The following MADD variants were observed in gnomAD, a reference collection of about 807,000 sequenced individuals.
The protein encoded by MADD is MAP kinase activating death domain.
Under a neutral mutation model 176.7 loss-of-function variants are expected in MADD, and 109 were observed. The ratio of observed to expected loss-of-function variants is 0.62; its 90% CI spans 0.53 to 0.72. MADD has a LOEUF of 0.72. Ranked by LOEUF, MADD falls within the 30% of genes least tolerant of loss-of-function variation. The probability of loss-of-function intolerance (pLI) is 0.00; values close to 1 mark genes in which losing one functional copy is unlikely to be tolerated. For synonymous variants in MADD, 771 were observed against 771.3 expected, an observed-to-expected ratio of 1.00 and a Z score of 0.01; for missense variants, 1,914 against 2,045.5, an observed-to-expected ratio of 0.94 and a Z score of 1.24.
chr11:47,292,617 C>G, intron 19 of MADD, 21 bp downstream of exon 21: 1 of 1,613,686 alleles, frequency 6.2e-7, no homozygotes, highest in Non-Finnish European at 8.5e-7. Flanking sequence ...AATGCCCTTT[C>G]CTGTTCCCAA....
chr11:47,295,504 T>C, exon 21 of MADD: 1 of 1,613,818 alleles, frequency 6.2e-7, no homozygotes, highest in Non-Finnish European at 8.5e-7. Context: ...AGAGGACTGA[T>C]CAAGACTCTG....
At chr11:47,315,224 G>A (rs779010496) in exon 27 of MADD, 2 of 1,609,336 alleles carry the variant, frequency 1.2e-6, no homozygotes, top group Non-Finnish European at 8.5e-7. Flanking sequence ...CATCAGAATG[G>A]ACGCGATCTC....
intron 29 of MADD, 53 bp from the exon 33 acceptor site, chr11:47,324,418 G>A: frequency 6.3e-7 from 1 of 1,595,218 alleles, no homozygotes; most frequent in Admixed American, 1.7e-5. Flanking sequence ...GGGAAGTCAG[G>A]GGTGGGATTC....
At chr11:47,291,030 G>A (rs889645695) in intron 19 of MADD, among the ~76,000 whole-genome samples, 3 of 151,972 alleles carry the variant, frequency 2.0e-5, no homozygotes, top group Non-Finnish European at 4.4e-5. Context: ...CTTAGATGAA[G>A]AATGGTAAGT....
intron 30 of MADD, chr11:47,324,999 G>A: frequency 1.8e-6 from 1 of 551,030 alleles, no homozygotes; most frequent in Non-Finnish European, 3.2e-6. Flanking sequence ...CGTGCAGCTT[G>A]CGTGTGCGTG....
chr11:47,287,252 G>GCGGA (rs1430973900), intron 15 of MADD, among the ~76,000 whole-genome samples: 1 of 152,172 alleles, frequency 6.6e-6, no homozygotes, highest in African/African-American at 2.4e-5. Flanking sequence ...AATCCAGGAG[G>GCGGA]CGGAGGTTGC....
chr11:47,309,559 C>A (rs751185365), exon 25 of MADD: 1 of 1,614,028 alleles, frequency 6.2e-7, no homozygotes, highest in East Asian at 2.2e-5. Context: ...TGATGAAGAT[C>A]GCTTGTTGGC....
At chr11:47,292,566 G>T in intron 19 of MADD, 1 of 1,614,018 alleles carries the variant, frequency 6.2e-7, no homozygotes, top group Non-Finnish European at 8.5e-7. Context: ...GCACCAGGAA[G>T]TGAAAAAGCA....
chr11:47,282,990 A>G (rs1262207886), intron 10 of MADD, 21 bp downstream of exon 10: 2 of 1,607,728 alleles, frequency 1.2e-6, no homozygotes, highest in African/African-American at 1.3e-5. Flanking sequence ...TTAGGGCAGC[A>G]AAAAGGTTTT....
Position 47,289,852 on chromosome 11 carries a change from G to T in MADD, c.2757-15G>T. 3 of 1,612,736 alleles carry T rather than the reference G, an allele frequency of 1.9e-6. No homozygotes were observed. Among genetic ancestry groups the T allele is most frequent in the Non-Finnish European group, 2.5e-6 (3 of 1,179,810 alleles). ...AGGAGCTGATGACCACAGAAGCGGT[G>T]TGTGGACCCTGTAGTGAGAACCAGC... is the stretch of plus-strand genomic sequence containing the variant. On this transcript the variant is annotated splice_polypyrimidine_tract_variant and intron_variant, in intron 16 of 32. Coordinates refer to ENST00000402192, the Ensembl canonical transcript of MADD.
chr11:47,269,691 G>C (rs1288700216), upstream of MADD: 1 of 151,710 alleles, frequency 6.6e-6, no homozygotes, highest in African/African-American at 2.4e-5. Context: ...CCCAGGATTG[G>C]TAGGCTCCAC....
chr11:47,271,558 C>G (rs892963884), intron 1 of MADD, among the ~76,000 whole-genome samples: 2 of 152,080 alleles, frequency 1.3e-5, no homozygotes, highest in African/African-American at 4.8e-5. Context: ...AGGCCTGATG[C>G]GTACTCAGTA....
exon 22 of MADD, chr11:47,295,934 G>A: frequency 6.2e-7 from 1 of 1,614,124 alleles, no homozygotes; most frequent in Non-Finnish European, 8.5e-7. Context: ...GGAGCTGACA[G>A]TGACTTGAGC....
At chr11:47,293,835 T>G in intron 19 of MADD, 48 bp from the exon 22 acceptor site, 1 of 1,249,354 alleles carries the variant, frequency 8.0e-7, no homozygotes, top group South Asian at 1.2e-5. Context: ...TTTACCAGCC[T>G]GCCCCTAGCC....
chr11:47,280,395 CTAATA>C (rs1360312717), intron 7 of MADD, among the ~76,000 whole-genome samples: 3 of 152,066 alleles, frequency 2.0e-5, no homozygotes, highest in Non-Finnish European at 2.9e-5. Context: ...TTCATCACTG[CTAATA>C]TAATATGATA....
chr11:47,323,330 C>G (rs181793186), intron 27 of MADD, among the ~76,000 whole-genome samples: 1 of 150,410 alleles, frequency 6.6e-6, no homozygotes, highest in Non-Finnish European at 1.5e-5. Context: ...CCTGGCTGGT[C>G]GAGGCTGCAG....
intron 25 of MADD, among the ~76,000 whole-genome samples, chr11:47,309,838 CTTTTTTTTTTT>C (rs60488949): frequency 1.6e-4 from 23 of 143,712 alleles, no homozygotes; most frequent in African/African-American, 5.1e-4. Context: ...TGATGATTCT[CTTTTTTTTTTT>C]TTTTTTTTTT....
chr11:47,289,764 C>A, intron 16 of MADD, 103 bp from the exon 18 acceptor site: 1 of 1,319,434 alleles, frequency 7.6e-7, no homozygotes, highest in Non-Finnish European at 1.1e-6. Context: ...AGAGACATGG[C>A]TTTGTGTTTT....
At chr11:47,306,506 G>A (rs914815900) in intron 22 of MADD, among the ~76,000 whole-genome samples, 1 of 152,224 alleles carries the variant, frequency 6.6e-6, no homozygotes, top group African/African-American at 2.4e-5. Flanking sequence ...GTGCCTAGAG[G>A]ACTGTAGGGA....
Sources: allele counts gnomAD v4.1 joint callset (sites outside exome capture counted in the v4.1 genomes callset), GRCh38; gene constraint gnomAD v4.1.1; transcripts MANE v1.5; gene names NCBI Gene and HGNC (gene_info 2026-07-23, HGNC 2026-07-21).